SPP2: variants seen among roughly 807,000 people sequenced by gnomAD.
SPP2 encodes secreted phosphoprotein 24.
In SPP2, 34 loss-of-function variants were observed where a neutral mutation model predicts 28.8. The observed-to-expected ratio is 1.18, with a 90% CI of 0.90 to 1.57. The LOEUF is 1.57. Among genes scored for constraint, SPP2 ranks in the 40% most tolerant of loss-of-function variants. The probability of loss-of-function intolerance (pLI) is 0.00; values close to 1 mark genes in which losing one functional copy is unlikely to be tolerated. For synonymous variants in SPP2, 96 were observed against 89.4 expected (o/e 1.07, Z -0.42); for missense variants, 269 against 263.9 (o/e 1.02, Z -0.13).
intron 7 of SPP2, among the ~76,000 whole-genome samples, chr2:234,076,549 T>G (rs996286648): frequency 9.2e-5 from 14 of 152,144 alleles, no homozygotes; most frequent in African/African-American, 3.4e-4. Flanking sequence ...TGCATACATG[T>G]TTATTGAACA....
chr2:234,050,756 G>C lies in SPP2; in HGVS notation c.-31G>C, dbSNP rs775834008. On this transcript the variant is annotated 5_prime_UTR_variant, in exon 1 of 8. Transcript: ENST00000168148. ...AAGAACTGTCATCCCCAAACACATAGAGAGACACTCTCTGTCTCTCGATTA... is the reference window on the plus strand; with the variant it reads ...AAGAACTGTCATCCCCAAACACATACAGAGACACTCTCTGTCTCTCGATTA... 2.5e-6 allele frequency: 4 copies of C among 1,601,876 alleles called. No individual in the cohort carries two copies. The highest frequency in any genetic ancestry group is 2.2e-5 in the East Asian group (1 of 44,806).
chr2:234,070,173 C>T (rs1690724802), intron 7 of SPP2, 150 bp downstream of exon 7: 14 of 578,632 alleles, frequency 2.4e-5, no homozygotes, highest in South Asian at 2.2e-4. Flanking sequence ...GACTTCTCCT[C>T]AATTGCCTCT....
intron 2 of SPP2, among the ~76,000 whole-genome samples, chr2:234,056,496 A>T (rs1276036920): frequency 6.6e-6 from 1 of 152,190 alleles, no homozygotes; most frequent in Non-Finnish European, 1.5e-5. Flanking sequence ...CTATTCTTGA[A>T]AGTCCCCTTC....
intron 3 of SPP2, among the ~76,000 whole-genome samples, chr2:234,059,591 G>T (rs1449352194): frequency 6.6e-6 from 1 of 151,216 alleles, no homozygotes; most frequent in Non-Finnish European, 1.5e-5. Flanking sequence ...CTTACAAACA[G>T]AATGCATGTC....
chr2:234,072,169 T>C (rs1390760463), intron 7 of SPP2, among the ~76,000 whole-genome samples: 2 of 152,218 alleles, frequency 1.3e-5, no homozygotes, highest in African/African-American at 4.8e-5. Context: ...GTATAATTAA[T>C]TTTTAACCAT....
At chr2:234,061,608 C>T (rs1693720980) in intron 4 of SPP2, among the ~76,000 whole-genome samples, 1 of 152,144 alleles carries the variant, frequency 6.6e-6, no homozygotes, top group Admixed American at 6.5e-5. Context: ...AAAATTTCTA[C>T]TTCAAGAATT....
chr2:234,057,413 C>G (rs1345629927), intron 2 of SPP2, among the ~76,000 whole-genome samples: 2 of 152,194 alleles, frequency 1.3e-5, no homozygotes. Flanking sequence ...GAGCTTCTTC[C>G]CATCCTTCAA....
intron 6 of SPP2, 42 bp from the exon 7 acceptor site, chr2:234,069,886 G>C (rs1693899039): frequency 6.8e-7 from 1 of 1,468,906 alleles, no homozygotes; most frequent in African/African-American, 1.4e-5. Flanking sequence ...CTCAGATCTT[G>C]ATGTGACTGA....
chr2:234,057,019 A>G (rs1481108818), intron 2 of SPP2, among the ~76,000 whole-genome samples: 1 of 152,002 alleles, frequency 6.6e-6, no homozygotes, highest in African/African-American at 2.4e-5. Flanking sequence ...AGTACGTTCA[A>G]TGTGTTGCTG....
intron 7 of SPP2, among the ~76,000 whole-genome samples, chr2:234,074,191 A>T (rs1449357337): frequency 6.6e-6 from 1 of 152,114 alleles, no homozygotes; most frequent in Non-Finnish European, 1.5e-5. Flanking sequence ...CTCTGTATTT[A>T]AAAAAATAGT....
At chr2:234,060,787 A>C (rs1372333784) in intron 4 of SPP2, among the ~76,000 whole-genome samples, 1 of 151,998 alleles carries the variant, frequency 6.6e-6, no homozygotes, top group East Asian at 1.9e-4. Context: ...ATACACACGC[A>C]CACACACTTG....
intron 4 of SPP2, among the ~76,000 whole-genome samples, chr2:234,066,089 G>A (rs796873546): frequency 2.0e-5 from 3 of 152,288 alleles, no homozygotes; most frequent in African/African-American, 7.2e-5. Context: ...TGCGAGCCAA[G>A]CAACCACTTT....
At chr2:234,071,087 C>T (rs1040667785) in intron 7 of SPP2, among the ~76,000 whole-genome samples, 9 of 152,094 alleles carry the variant, frequency 5.9e-5, no homozygotes, top group Non-Finnish European at 1.3e-4. Context: ...ACTGACTCCC[C>T]TTCATCCTTC....
Position 234,067,082 on chromosome 2 carries a change from A to G in SPP2, c.500-142A>G. On this transcript the variant is annotated intron_variant, in intron 5 of 7. Coordinates refer to ENST00000168148, the MANE Select transcript of SPP2 (RefSeq NM_006944.3). Reference sequence around the variant, plus strand: ...TGATTTAGGAGGCATTTTTCCTATTAGTGCTGACGGCAATAAAACTCAATG... The same window carrying G: ...TGATTTAGGAGGCATTTTTCCTATTGGTGCTGACGGCAATAAAACTCAATG... The G allele has an allele frequency of 5.1e-6, 4 of 786,586 alleles. No homozygotes were observed. In the South Asian group the frequency reaches 6.0e-5, roughly 12 times the overall value. 48.7% of individuals were successfully genotyped at this position (786,586 alleles called of 1,614,324 possible). A position where few individuals can be genotyped will look rare whatever the true frequency, so the allele number is the denominator to read the frequency against.
At chr2:234,056,607 G>T (rs557600107) in intron 2 of SPP2, among the ~76,000 whole-genome samples, 2 of 152,168 alleles carry the variant, frequency 1.3e-5, no homozygotes, top group Non-Finnish European at 2.9e-5. Context: ...CTTTTGTGTT[G>T]CCAGTTGCTT....
chr2:234,067,986 A>G (rs1214302899), intron 6 of SPP2, among the ~76,000 whole-genome samples: 1 of 152,064 alleles, frequency 6.6e-6, no homozygotes, highest in East Asian at 1.9e-4. Flanking sequence ...TATGGGGTAC[A>G]TGAGATATTT....
chr2:234,076,644 C>T (rs2125477566), intron 7 of SPP2, among the ~76,000 whole-genome samples: 1 of 152,204 alleles, frequency 6.6e-6, no homozygotes, highest in Admixed American at 6.5e-5. Context: ...CTGTGGCCAA[C>T]CTACTCTTTT....
rs1256332961 is a variant in SPP2 at position 234,060,381 on chromosome 2, T to C, written c.346T>C (p.Cys116Arg). The C allele has an allele frequency of 6.2e-7, 1 of 1,613,994 alleles. No individual in the cohort carries two copies. Among genetic ancestry groups the C allele is most frequent in the Admixed American group, 1.7e-5 (1 of 60,024 alleles). The change falls in exon 4 of 8, where the codon TGC (cysteine) becomes CGC (arginine). Residue 116 changes from cysteine to arginine, a missense_variant. By Grantham distance (180) the Cys-to-Arg change is radical. Coordinates refer to ENST00000168148, the MANE Select transcript of SPP2 (RefSeq NM_006944.3). ...QRDYYVSTAVCRSTVKVSAQQ... is the reference protein window; with the variant it reads ...QRDYYVSTAVRRSTVKVSAQQ... ...TTGTCTTTTCCAGTCCACAGCTGTT[T>C]GCAGAAGCACCGTGAAGGTATCTGC...
At position 234,053,480 on chromosome 2, in the gene SPP2, C is replaced by T. The variant is rs370250304; in HGVS notation, c.210+2385C>T. On this transcript the variant is annotated intron_variant, in intron 2 of 7. Coordinates refer to ENST00000168148, the MANE Select transcript of SPP2 (RefSeq NM_006944.3). Reference sequence around the variant, plus strand: ...ACTCAGACTACACATCATCATTGCACGGGAGCTTTAAATATTTCTGATGTC... The same window carrying T: ...ACTCAGACTACACATCATCATTGCATGGGAGCTTTAAATATTTCTGATGTC... 9.9e-5 allele frequency among the ~76,000 whole-genome samples: 15 copies of T among 151,946 alleles called. No individual in the cohort carries two copies. In the South Asian group the frequency reaches 1.3e-3, roughly 13 times the overall value.
Sources: allele counts gnomAD v4.1 joint callset (sites outside exome capture counted in the v4.1 genomes callset), GRCh38; gene constraint gnomAD v4.1.1; transcripts MANE v1.5; gene names NCBI Gene and HGNC (gene_info 2026-07-23, HGNC 2026-07-21).